MKLN1: variants seen among roughly 807,000 people sequenced by gnomAD.
MKLN1 encodes the protein muskelin 1.
MKLN1 carries 18 observed loss-of-function variants against 99.0 expected under a neutral mutation model. The observed-to-expected ratio is 0.18, with a 90% confidence interval of 0.13 to 0.27. The LOEUF is 0.27. MKLN1 is among the 10% of genes least tolerant of loss of function. The pLI is 1.00. For synonymous variants in MKLN1, 288 were observed against 293.2 expected (o/e 0.98, Z 0.18); for missense variants, 621 against 875.9 (o/e 0.71, Z 3.67).
At chr7:131,365,437 G>GT (rs1800151441) in intron 1 of MKLN1, among the ~76,000 whole-genome samples, 2 of 152,160 alleles carry the variant, frequency 1.3e-5, no homozygotes, top group Admixed American at 1.3e-4. Context: ...CTGTGCAGAA[G>GT]CTCTTAAGTT....
chr7:131,226,976 A>T (rs949856780), intron 3 of MKLN1, among the ~76,000 whole-genome samples: 2 of 152,146 alleles, frequency 1.3e-5, no homozygotes, highest in Non-Finnish European at 2.9e-5. Flanking sequence ...CAAGGATTTG[A>T]TTGGATCTTT....
intron 8 of MKLN1, among the ~76,000 whole-genome samples, chr7:131,419,382 C>A (rs1795125763): frequency 6.6e-6 from 1 of 151,078 alleles, no homozygotes; most frequent in East Asian, 2.0e-4. Context: ...TCCCGAGTAG[C>A]TGGGATTACA....
intron 1 of MKLN1, among the ~76,000 whole-genome samples, chr7:131,354,100 G>C (rs1799802895): frequency 6.6e-6 from 1 of 151,744 alleles, no homozygotes; most frequent in South Asian, 2.1e-4. Context: ...TAATTATTTT[G>C]GCTATTCTAG....
chr7:131,144,517 T>A (rs1026210523), intron 2 of MKLN1, among the ~76,000 whole-genome samples: 42 of 151,786 alleles, frequency 2.8e-4, no homozygotes, highest in Admixed American at 8.5e-4. Context: ...TTAATTTTTA[T>A]ACTTTTAAAA....
intron 3 of MKLN1, among the ~76,000 whole-genome samples, chr7:131,291,963 C>A (rs1798225713): frequency 6.6e-6 from 1 of 151,898 alleles, no homozygotes; most frequent in Non-Finnish European, 1.5e-5. Context: ...AAAAATTAGC[C>A]AGGTGTGGTG....
chr7:131,383,556 T>A (rs541065380), intron 2 of MKLN1, among the ~76,000 whole-genome samples: 1 of 152,360 alleles, frequency 6.6e-6, no homozygotes, highest in South Asian at 2.1e-4. Flanking sequence ...GAACCACTGT[T>A]GTTTTAAGAC....
intron 17 of MKLN1, chr7:131,478,920 A>G (rs759616841): frequency 5.5e-6 from 3 of 542,540 alleles, no homozygotes; most frequent in Non-Finnish European, 9.7e-6. Flanking sequence ...ACAGATAGCA[A>G]TAGAAACACA....
intron 3 of MKLN1, among the ~76,000 whole-genome samples, chr7:131,214,579 T>C (rs1796951708): frequency 6.6e-6 from 1 of 152,210 alleles, no homozygotes; most frequent in Non-Finnish European, 1.5e-5. Context: ...GCTGTTGAAG[T>C]AACCAATATT....
Position 131,474,264 on chromosome 7 carries a change from G to A in MKLN1, c.2031+3320G>A, listed in dbSNP as rs770717058. ...ATTAGATCTAGTGTTTGAAAGAAAC[G>A]ACTCAAAGGTTTTGGCCTGAAAAAC... On this transcript the variant is annotated intron_variant, in intron 16 of 17. Coordinates refer to ENST00000352689, the MANE Select transcript of MKLN1 (RefSeq NM_013255.5). Among the ~76,000 whole-genome samples, 7 of 152,260 alleles carry A rather than the reference G, an allele frequency of 4.6e-5. 1 individual carries two copies. Among genetic ancestry groups the A allele is most frequent in the East Asian group, 3.9e-4 (2 of 5,172 alleles).
At chr7:131,179,766 G>T (rs1796352936) in intron 2 of MKLN1, among the ~76,000 whole-genome samples, 1 of 152,004 alleles carries the variant, frequency 6.6e-6, no homozygotes, top group Non-Finnish European at 1.5e-5. Context: ...AGTAGAGAAG[G>T]GGTTTCACCG....
chr7:131,215,821 C>G (rs1407245577), intron 3 of MKLN1, among the ~76,000 whole-genome samples: 1 of 152,120 alleles, frequency 6.6e-6, no homozygotes, highest in Admixed American at 6.5e-5. Flanking sequence ...TTTCTTCCTG[C>G]CCCATCATTC....
At chr7:131,307,363 C>G (rs1380605840) in intron 3 of MKLN1, among the ~76,000 whole-genome samples, 3 of 152,154 alleles carry the variant, frequency 2.0e-5, no homozygotes, top group Non-Finnish European at 4.4e-5. Context: ...GGAGTCCCCA[C>G]TGGGGCACTG....
At chr7:131,286,169 C>G (rs184824148) in intron 3 of MKLN1, among the ~76,000 whole-genome samples, 7 of 152,112 alleles carry the variant, frequency 4.6e-5, no homozygotes, top group South Asian at 2.1e-4. Context: ...AGGCTGGTCT[C>G]GAACTCCTGA....
Position 131,488,418 on chromosome 7 carries a change from A to C in MKLN1, c.*690A>C, listed in dbSNP as rs1367343426. 2 of 152,536 alleles carry C rather than the reference A, an allele frequency of 1.3e-5. No homozygotes were observed. Among genetic ancestry groups the C allele is most frequent in the Non-Finnish European group, 2.9e-5 (2 of 68,008 alleles). The allele number at this position is 152,536 out of a possible 1,614,324, so 9.4% of individuals were successfully genotyped here. On this transcript the variant is annotated 3_prime_UTR_variant, in exon 18 of 18. Coordinates refer to ENST00000352689, the MANE Select transcript of MKLN1 (RefSeq NM_013255.5). ...AGCACCTATCTGAGATTGGTATATA[A>C]TATTTCTATAATGATATATTTTATA...
intron 2 of MKLN1, among the ~76,000 whole-genome samples, chr7:131,153,083 C>T (rs1015519763): frequency 1.3e-5 from 2 of 148,552 alleles, no homozygotes; most frequent in African/African-American, 2.5e-5. Context: ...AGTATTTTGC[C>T]ATTAGGTGGT....
intron 1 of MKLN1, among the ~76,000 whole-genome samples, chr7:131,337,502 T>G (rs1799283200): frequency 6.6e-6 from 1 of 152,078 alleles, no homozygotes; most frequent in Non-Finnish European, 1.5e-5. Context: ...ACCCCATCTA[T>G]TCTTAATTTT....
intron 8 of MKLN1, among the ~76,000 whole-genome samples, chr7:131,415,166 CTTTTT>C (rs963428569): frequency 6.7e-6 from 1 of 149,900 alleles, no homozygotes; most frequent in African/African-American, 2.5e-5. Flanking sequence ...TGGTAGCAAA[CTTTTT>C]TTTAAGTTTC....
chr7:131,474,592 T>G lies in MKLN1; in HGVS notation c.2031+3648T>G, dbSNP rs77127844. ...ATCCTATATGTAGAGCCAATACAAT[T>G]TATTTTTCACCTTAGGAGTTAGAAA... On this transcript the variant is annotated intron_variant, in intron 16 of 17. Transcript: ENST00000352689. Among the ~76,000 whole-genome samples the G allele has an allele frequency of 1.4e-4, 22 of 152,330 alleles. No individual in the cohort carries two copies. In the East Asian group the frequency reaches 4.2e-3, roughly 29 times the overall value.
chr7:131,358,730 A>G (rs1023397681), intron 1 of MKLN1, among the ~76,000 whole-genome samples: 1 of 152,170 alleles, frequency 6.6e-6, no homozygotes, highest in Non-Finnish European at 1.5e-5. Flanking sequence ...CATATTCAGA[A>G]GGTCGCTTTC....
Sources: allele counts gnomAD v4.1 joint callset (sites outside exome capture counted in the v4.1 genomes callset), GRCh38; gene constraint gnomAD v4.1.1; transcripts MANE v1.5; gene names NCBI Gene and HGNC (gene_info 2026-07-23, HGNC 2026-07-21).